UNC13B: variants seen among roughly 807,000 people sequenced by gnomAD.
The protein encoded by UNC13B is protein unc-13 homolog B.
Under a neutral mutation model 211.0 loss-of-function variants are expected in UNC13B, and 144 were observed. That is an observed-to-expected ratio of 0.68 (90% CI 0.60 to 0.78). UNC13B has a LOEUF of 0.78. UNC13B is among the 30% of genes least tolerant of loss of function. The pLI, the probability that UNC13B is intolerant of heterozygous loss-of-function variation, is 0.00. For synonymous variants in UNC13B, 709 were observed against 725.8 expected (o/e 0.98, Z 0.37); for missense variants, 1,777 against 2,002.0 (o/e 0.89, Z 2.14).
intron 7 of UNC13B, among the ~76,000 whole-genome samples, chr9:35,275,125 A>G (rs974223633): frequency 6.6e-6 from 1 of 152,028 alleles, no homozygotes; most frequent in Non-Finnish European, 1.5e-5. Flanking sequence ...AGCAGCTCAG[A>G]GTCTTTTTTT....
At chr9:35,390,819 T>G in intron 26 of UNC13B, 105 bp downstream of exon 26, 2 of 1,179,144 alleles carry the variant, frequency 1.7e-6, no homozygotes, top group Non-Finnish European at 2.4e-6. Context: ...GTGAGTGGTA[T>G]AGTGAGAAAC....
At chr9:35,195,342 T>G (rs531479052) in intron 1 of UNC13B, among the ~76,000 whole-genome samples, 30 of 152,316 alleles carry the variant, frequency 2.0e-4, no homozygotes, top group African/African-American at 7.0e-4. Context: ...TCTTAACTCC[T>G]GTATCAGTGT....
chr9:35,397,729 G>C lies in UNC13B; in HGVS notation c.11754+17G>C, dbSNP rs371961803. 54 of 1,613,330 alleles carry C rather than the reference G, an allele frequency of 3.3e-5. No individual in the cohort carries two copies. In the African/African-American group the frequency reaches 5.7e-4, roughly 17 times the overall value. On this transcript the variant is annotated intron_variant, in intron 30 of 39. Transcript: ENST00000635942. ...GAGAAACTGGTAGGTTCAGGCCCTG[G>C]GACTCTTACAGAAAGAGAGTGGAAG...
rs539360851 is a variant in UNC13B at position 35,385,161 on chromosome 9, G to C, written c.10876-563G>C. 7.1e-6 allele frequency: 7 copies of C among 985,390 alleles called. No homozygotes were observed. The African/African-American group carries it at 1.2e-4, about 17-fold the overall frequency. 61.0% of individuals were successfully genotyped at this position (985,390 alleles called of 1,614,324 possible). ...ATAGCAGCTCCCTCCTAAGACTCGT[G>C]CCAAAGTGAATGAAGTAAGGATGGC... On this transcript the variant is annotated intron_variant, in intron 22 of 39. Transcript: ENST00000635942.
At chr9:35,311,406 CACTGGGGCTGTGGTAGGT>C (rs1830175514) in intron 10 of UNC13B, among the ~76,000 whole-genome samples, 1 of 152,182 alleles carries the variant, frequency 6.6e-6, no homozygotes, top group East Asian at 1.9e-4. Context: ...TTATTTCATC[CACTGGGGCTGTGGTAGGT>C]ACTTTGGCTG....
intron 11 of UNC13B, among the ~76,000 whole-genome samples, chr9:35,328,314 A>G (rs1831136815): frequency 6.6e-6 from 1 of 151,960 alleles, no homozygotes; most frequent in South Asian, 2.1e-4. Context: ...GTGAGCCACC[A>G]TGCCCAGCCT....
chr9:35,291,839 G>A (rs759872199), intron 7 of UNC13B, among the ~76,000 whole-genome samples: 33 of 152,172 alleles, frequency 2.2e-4, no homozygotes, highest in Non-Finnish European at 4.3e-4. Flanking sequence ...CCTGTCACTG[G>A]AATTTCTCAT....
intron 1 of UNC13B, among the ~76,000 whole-genome samples, chr9:35,195,392 A>G (rs1233120351): frequency 6.6e-6 from 1 of 152,200 alleles, no homozygotes; most frequent in Admixed American, 6.5e-5. Context: ...CTTAACATGT[A>G]TCAACTTTTG....
intron 7 of UNC13B, among the ~76,000 whole-genome samples, chr9:35,260,125 G>A (rs1827191696): frequency 6.6e-6 from 1 of 150,914 alleles, no homozygotes. Context: ...TGGGAGGATG[G>A]CTTGAGCCTG....
At chr9:35,389,734 A>G (rs1835409214) in intron 24 of UNC13B, 112 bp from the exon 25 acceptor site, 1 of 1,185,600 alleles carries the variant, frequency 8.4e-7, no homozygotes, top group Non-Finnish European at 1.2e-6. Context: ...AAGGTCCTTG[A>G]TTCTAGAGGA....
intron 7 of UNC13B, among the ~76,000 whole-genome samples, chr9:35,286,796 A>T (rs1047847647): frequency 2.6e-4 from 40 of 152,202 alleles, no homozygotes; most frequent in African/African-American, 8.9e-4. Flanking sequence ...TGTGTTGGCA[A>T]ACACATCCGT....
Position 35,162,165 on chromosome 9 carries a change from A to G in UNC13B, c.-119A>G. ...CGGGACGCTACCTGCGACCGGGACC[A>G]TGAGGAGCTGCCAGACCCGTGGGGC... On this transcript the variant is annotated 5_prime_UTR_variant, in exon 1 of 40. It removes an upstream start codon present in the reference 5' UTR. Transcript: ENST00000635942. 2.7e-6 allele frequency: 4 copies of G among 1,455,704 alleles called. No individual in the cohort carries two copies. Among genetic ancestry groups the G allele is most frequent in the Admixed American group, 2.0e-5 (1 of 50,420 alleles). The allele number at this position is 1,455,704 out of a possible 1,614,324, so 90.2% of individuals were successfully genotyped here. A position where few individuals can be genotyped will look rare whatever the true frequency, so the allele number is the denominator to read the frequency against.
chr9:35,352,959 G>A, intron 11 of UNC13B: 1 of 1,232,172 alleles, frequency 8.1e-7, no homozygotes, highest in Non-Finnish European at 1.0e-6. Context: ...TCATTGTCTG[G>A]GTTACTGAAG....
At position 35,306,501 on chromosome 9, in the gene UNC13B, C is replaced by T. The variant is rs938802886; in HGVS notation, c.7097C>T (p.Ala2366Val). 3 of 398,902 alleles carry T rather than the reference C, an allele frequency of 7.5e-6. No homozygotes were observed. The highest frequency in any genetic ancestry group is 4.1e-5 in the African/African-American group (2 of 48,608). The allele number at this position is 398,902 out of a possible 1,614,324, so 24.7% of individuals were successfully genotyped here. ...PHEEEAFNHK[A>V]FPSDSLSNSF... is the part of the protein sequence containing the mutation. ...GAAGAAGAGGCTTTCAACCACAAAGCCTTCCCCAGTGACTCACTGTCCAAC... is the reference window on the plus strand; with the variant it reads ...GAAGAAGAGGCTTTCAACCACAAAGTCTTCCCCAGTGACTCACTGTCCAAC... Residue 2366 changes from alanine (A) to valine (V), a missense_variant, in exon 9 of 40, where the codon GCC becomes GTC. Coordinates refer to ENST00000635942, the MANE Select transcript of UNC13B (RefSeq NM_001371189.2).
At chr9:35,210,954 C>G (rs1447119947) in intron 1 of UNC13B, among the ~76,000 whole-genome samples, 1 of 152,118 alleles carries the variant, frequency 6.6e-6, no homozygotes, top group Non-Finnish European at 1.5e-5. Flanking sequence ...TTAGGCTGTA[C>G]TAACTCCTGG....
At chr9:35,394,873 G>A (rs2132336600) in intron 26 of UNC13B, among the ~76,000 whole-genome samples, 2 of 152,326 alleles carry the variant, frequency 1.3e-5, no homozygotes, top group East Asian at 3.9e-4. Flanking sequence ...TTTTATACCA[G>A]AGAAGTTAAT....
chr9:35,353,157 T>G, intron 11 of UNC13B: 1 of 1,232,106 alleles, frequency 8.1e-7, no homozygotes, highest in Non-Finnish European at 1.0e-6. Flanking sequence ...CATATTGACC[T>G]GAATGAAGAG....
At chr9:35,236,708 G>A in intron 4 of UNC13B, 122 bp downstream of exon 4, 1 of 897,822 alleles carries the variant, frequency 1.1e-6, no homozygotes, top group Non-Finnish European at 1.8e-6. Flanking sequence ...TTTCTAATTA[G>A]AGGGCATGCA....
At chr9:35,294,392 C>T (rs1829247857) in intron 7 of UNC13B, among the ~76,000 whole-genome samples, 1 of 152,072 alleles carries the variant, frequency 6.6e-6, no homozygotes. Context: ...CTGCAACTTC[C>T]ACCCTCTGGG....
Sources: allele counts gnomAD v4.1 joint callset (sites outside exome capture counted in the v4.1 genomes callset), GRCh38; gene constraint gnomAD v4.1.1; transcripts MANE v1.5; gene names NCBI Gene and HGNC (gene_info 2026-07-23, HGNC 2026-07-21).